CCN6: variants seen among roughly 807,000 people sequenced by gnomAD.
CCN6 encodes CCN family member 6.
A neutral mutation model predicts 37.4 loss-of-function variants in CCN6; 31 were observed. The observed-to-expected ratio is 0.83, with a 90% CI of 0.62 to 1.12. The LOEUF (loss-of-function observed/expected upper bound fraction) is 1.12. Among genes scored for constraint, CCN6 ranks in the 50% most tolerant of loss-of-function variants. The pLI is 0.00. For synonymous variants in CCN6, 137 were observed against 142.1 expected, an observed-to-expected ratio of 0.96 and a Z score of 0.26; for missense variants, 369 against 413.8, an observed-to-expected ratio of 0.89 and a Z score of 0.94.
chr6:112,056,016 C>T (rs587695871), intron 1 of CCN6, among the ~76,000 whole-genome samples: 4 of 152,296 alleles, frequency 2.6e-5, no homozygotes, highest in South Asian at 2.1e-4. Flanking sequence ...TTGCAAAGCT[C>T]GGATCTGTTG....
At chr6:112,055,673 C>T (rs1776327473) in intron 1 of CCN6, among the ~76,000 whole-genome samples, 2 of 152,110 alleles carry the variant, frequency 1.3e-5, no homozygotes, top group South Asian at 2.1e-4. Flanking sequence ...TCACTGCAAC[C>T]TCCACCTCCT....
Position 112,061,125 on chromosome 6 carries a change from C to A in CCN6, c.183C>A (p.Cys61Ter), listed in dbSNP as rs886060987. The A allele has an allele frequency of 1.2e-6, 2 of 1,614,140 alleles. No homozygotes were observed. The highest frequency in any genetic ancestry group is 1.3e-5 in the African/African-American group (1 of 75,044). ...PCKCPQQKPR[C>*]PPGVSLVRDG... Reference sequence around the variant, plus strand: ...AATGCCCTCAGCAGAAGCCCCGTTGCCCTCCTGGAGTGAGCCTGGTGAGAG... The same window carrying A: ...AATGCCCTCAGCAGAAGCCCCGTTGACCTCCTGGAGTGAGCCTGGTGAGAG... Residue 61 changes from cysteine (C) to a stop codon, truncating the protein, a stop_gained, in exon 2 of 5, where the codon TGC (cysteine) becomes TGA (stop). Transcript: ENST00000368666. LOFTEE classifies it high-confidence loss of function.
In CCN6 at chr6:112,069,416, T is replaced by C; in HGVS notation, c.861T>C (p.Ser287=). 1.9e-6 allele frequency: 3 copies of C among 1,613,794 alleles called. No homozygotes were observed. Among genetic ancestry groups the C allele is most frequent in the Non-Finnish European group, 2.5e-6 (3 of 1,179,890 alleles). Residue 287 remains serine, a synonymous_variant, in exon 5 of 5, where the codon AGT becomes AGC. Coordinates refer to ENST00000368666, the MANE Select transcript of CCN6 (RefSeq NM_198239.2). ...AEKFVFSGCS[S]TQSYKPTFCG... The stretch of plus-strand genomic sequence containing the variant: ...AATTTGTCTTTTCTGGATGCTCAAG[T>C]ACTCAGAGTTACAAACCCACTTTTT...
In CCN6 at chr6:112,068,842, A is replaced by G. The variant is rs587611924; in HGVS notation, c.783+444A>G. ...TAACTAGAGCTGGTCCTGCTTCTTG[A>G]ATGAGGCAGTAAGTCTGTCTCAAAA... is the stretch of plus-strand genomic sequence containing the variant. On this transcript the variant is annotated intron_variant, in intron 4 of 4. Transcript: ENST00000368666. Among the ~76,000 whole-genome samples the G allele has an allele frequency of 6.0e-4, 91 of 151,002 alleles. 1 individual carries two copies. The South Asian group carries it at 8.7e-3, about 14-fold the overall frequency.
chr6:112,065,134 C>T, intron 3 of CCN6, 137 bp downstream of exon 3: 1 of 1,381,382 alleles, frequency 7.2e-7, no homozygotes, highest in Non-Finnish European at 1.0e-6. Flanking sequence ...TATCATTTTA[C>T]TTAATCTTTG....
At chr6:112,060,231 T>A (rs1259192851) in intron 1 of CCN6, among the ~76,000 whole-genome samples, 6 of 152,164 alleles carry the variant, frequency 3.9e-5, no homozygotes, top group Admixed American at 6.5e-5. Flanking sequence ...TGAACTGGCT[T>A]ATTTTTAAAG....
upstream of CCN6, among the ~76,000 whole-genome samples, chr6:112,053,847 T>C (rs1205180738): frequency 8.8e-6 from 1 of 113,968 alleles, no homozygotes; most frequent in African/African-American, 3.3e-5. Context: ...AGGGCTAGGC[T>C]GCGATGGGTG....
chr6:112,065,601 A>AC (rs1562597599), intron 3 of CCN6, among the ~76,000 whole-genome samples: 20 of 144,228 alleles, frequency 1.4e-4, no homozygotes, highest in African/African-American at 4.5e-4. Flanking sequence ...CACACACACA[A>AC]ACACACACGC....
At chr6:112,060,739 G>A (rs1460820658) in intron 1 of CCN6, among the ~76,000 whole-genome samples, 5 of 152,124 alleles carry the variant, frequency 3.3e-5, no homozygotes, top group African/African-American at 1.2e-4. Flanking sequence ...ACTGACAAAG[G>A]AGAGTGAGAA....
intron 2 of CCN6, 94 bp downstream of exon 2, chr6:112,061,382 T>G: frequency 6.5e-7 from 1 of 1,546,868 alleles, no homozygotes; most frequent in South Asian, 1.1e-5. Context: ...CAGCTTAGTT[T>G]GGCTAAATAT....
chr6:112,064,959 T>C lies in CCN6; in HGVS notation c.551T>C (p.Leu184Ser). 1 of 1,614,022 alleles carries C rather than the reference T, an allele frequency of 6.2e-7. No individual in the cohort carries two copies. Among genetic ancestry groups the C allele is most frequent in the Non-Finnish European group, 8.5e-7 (1 of 1,179,932 alleles). ...SDQSNCSLEP[L>S]LQQLSTSYKT... ...CAGTCAAACTGTAGCCTGGAACCAT[T>C]ACTACAGCAGCTTTCAACAAGCTAC... The change falls in exon 3 of 5, where the codon TTA (leucine) becomes TCA (serine). Residue 184 changes from leucine to serine, a missense_variant. Transcript: ENST00000368666.
intron 3 of CCN6, among the ~76,000 whole-genome samples, chr6:112,066,049 GTGGATA>G (rs1411435373): frequency 1.3e-5 from 2 of 152,150 alleles, no homozygotes; most frequent in African/African-American, 4.8e-5. Context: ...CTTTTATTAA[GTGGATA>G]TTTAATAAAG....
At chr6:112,061,432 C>T (rs1023781969) in intron 2 of CCN6, 144 bp downstream of exon 2, 26 of 981,306 alleles carry the variant, frequency 2.6e-5, no homozygotes, top group Non-Finnish European at 4.0e-5. Flanking sequence ...GGACTGGCTC[C>T]ATTGTATTGG....
rs1776277844 is a variant in CCN6, at chr6:112,054,270, A to C, written c.-88A>C. On this transcript the variant is annotated 5_prime_UTR_variant, in exon 1 of 5. Transcript: ENST00000368666. ...TTGTGCAGAGGAGCGTGGGGTTTGC[A>C]GAGGAGACAGGGGAGCTTTGTGTAC... 2 of 1,594,034 alleles carry C rather than the reference A, an allele frequency of 1.3e-6. No homozygotes were observed. The highest frequency in any genetic ancestry group is 8.6e-7 in the Non-Finnish European group (1 of 1,161,792).
rs781825983 is a variant in CCN6, at chr6:112,069,459, A to G, written c.904A>G (p.Lys302Glu). Residue 302 changes from lysine (K) to glutamate (E), a missense_variant, in exon 5 of 5, where the codon AAG becomes GAG. By Grantham distance (56) the Lys-to-Glu change is moderately conservative. Transcript: ENST00000368666. ...KPTFCGICLD[K>E]RCCIPNKSKM... The stretch of plus-strand genomic sequence containing the variant: ...CACTTTTTGTGGAATATGCTTGGAT[A>G]AGAGATGCTGTATCCCTAATAAGTC... 1.9e-6 allele frequency: 3 copies of G among 1,613,796 alleles called. No individual in the cohort carries two copies. Among genetic ancestry groups the G allele is most frequent in the Non-Finnish European group, 2.5e-6 (3 of 1,179,872 alleles).
At chr6:112,060,244 T>C (rs1337830748) in intron 1 of CCN6, among the ~76,000 whole-genome samples, 1 of 152,114 alleles carries the variant, frequency 6.6e-6, no homozygotes, top group Admixed American at 6.5e-5. Flanking sequence ...TTTTAAAGAA[T>C]CATTCTGGAT....
At chr6:112,061,951 T>C (rs1443335800) in intron 2 of CCN6, among the ~76,000 whole-genome samples, 6 of 152,176 alleles carry the variant, frequency 3.9e-5, no homozygotes, top group Admixed American at 2.6e-4. Context: ...GGCAGTTTAG[T>C]CCGTCTGTAG....
At position 112,061,059 on chromosome 6, in the gene CCN6, A is replaced by G; in HGVS notation, c.117A>G (p.Ser39=). 6.2e-7 allele frequency: 1 copy of G among 1,614,182 alleles called. No homozygotes were observed. Among genetic ancestry groups the G allele is most frequent in the Non-Finnish European group, 8.5e-7 (1 of 1,180,032 alleles). The part of the protein sequence containing the change: ...TTPEGRPGEV[S]DAPQRKQFCH... ...CTGAAGGAAGGCCTGGAGAAGTGTC[A>G]GATGCACCTCAGCGTAAACAGTTTT... The change falls in exon 2 of 5, where the codon TCA becomes TCG. Residue 39 remains serine (S), a synonymous_variant. Transcript: ENST00000368666.
intron 1 of CCN6, among the ~76,000 whole-genome samples, chr6:112,058,589 T>C (rs1336725882): frequency 6.6e-6 from 1 of 152,174 alleles, no homozygotes; most frequent in African/African-American, 2.4e-5. Flanking sequence ...TATAGGAACC[T>C]TTCTGGAAAA....
Sources: allele counts gnomAD v4.1 joint callset (sites outside exome capture counted in the v4.1 genomes callset), GRCh38; gene constraint gnomAD v4.1.1; transcripts MANE v1.5; gene names NCBI Gene and HGNC (gene_info 2026-07-23, HGNC 2026-07-21).